NYX: variants seen among roughly 807,000 people sequenced by gnomAD.
The protein encoded by NYX is nyctalopin, also known as leucine-rich repeat protein.
For synonymous variants in NYX, 258 were observed against 245.7 expected, an observed-to-expected ratio of 1.05 and a Z score of -0.47; for missense variants, 481 against 485.4, an observed-to-expected ratio of 0.99 and a Z score of 0.09.
In NYX at chrX:41,473,675, G is replaced by C. The variant is rs12013709; in HGVS notation, c.207G>C (p.Leu69=). The C allele has an allele frequency of 8.9e-7, 1 of 1,123,075 alleles. No individual in the cohort carries two copies. The highest frequency in any genetic ancestry group is 2.4e-4 in the Middle Eastern group (1 of 4,148). The allele number at this position is 1,123,075 out of a possible 1,213,427, so 92.6% of individuals were successfully genotyped here. Reference sequence around the variant, plus strand: ...CCATCGACCTGGACCGGAACGGCCTGCGCTTCCTGGGCGAGCGAGCCTTCG... The same window carrying C: ...CCATCGACCTGGACCGGAACGGCCTCCGCTTCCTGGGCGAGCGAGCCTTCG... The part of the protein sequence containing the change: ...AVSIDLDRNG[L]RFLGERAFGT... Residue 69 remains leucine (L), a synonymous_variant, in exon 3 of 3, where the codon CTG becomes CTC. Transcript: ENST00000378220.
chrX:41,452,283 G>A (rs2064283211), intron 2 of NYX, among the ~76,000 whole-genome samples: 1 of 111,513 alleles, frequency 9.0e-6, no homozygotes, highest in Non-Finnish European at 1.9e-5. Context: ...TTGGGGTGGT[G>A]GTTACACAGG....
rs2064295691 is a variant in NYX, at chrX:41,455,426, T to TA, written c.22+7503dup. Among the ~76,000 whole-genome samples, 3 of 109,859 alleles carry TA rather than the reference T, an allele frequency of 2.7e-5. No homozygotes were observed. In the South Asian group the frequency reaches 1.2e-3, roughly 42 times the overall value. ...CCAGCCTGAGGATTTTTTTTTTTTT[T>TA]AAAGCAGTATGACAGAACAGGGATG... On this transcript the variant is annotated intron_variant, in intron 2 of 2. Transcript: ENST00000378220.
Position 41,466,537 on chromosome X carries a change from G to T in NYX, c.23-6954G>T, listed in dbSNP as rs57075475. Among the ~76,000 whole-genome samples the T allele has an allele frequency of 2.7e-3, 288 of 106,943 alleles. 2 individuals carry two copies. The highest frequency in any genetic ancestry group is 9.5e-3 in the African/African-American group (282 of 29,654). 92.9% of individuals were successfully genotyped at this position (106,943 alleles called of 115,157 possible). On this transcript the variant is annotated intron_variant, in intron 2 of 2. Transcript: ENST00000378220. ...GCATCGACTCTGATTGCCTGTTTTG[G>T]TTGTTCCCTGGTGCTTTAAAACAAT...
intron 2 of NYX, among the ~76,000 whole-genome samples, chrX:41,448,478 G>A (rs940837520): frequency 9.2e-6 from 1 of 108,765 alleles, no homozygotes; most frequent in Non-Finnish European, 1.9e-5. Flanking sequence ...TCCTGACCTC[G>A]TGATCTGCCC....
intron 2 of NYX, among the ~76,000 whole-genome samples, chrX:41,457,179 G>A (rs1285948740): frequency 9.1e-6 from 1 of 110,303 alleles, no homozygotes; most frequent in Non-Finnish European, 1.9e-5. Flanking sequence ...GGTGGCGCAT[G>A]CCTGTAATCC....
At chrX:41,460,908 G>A (rs1411055031) in intron 2 of NYX, among the ~76,000 whole-genome samples, 1 of 36,399 alleles carries the variant, frequency 2.7e-5, no homozygotes, top group Admixed American at 4.3e-4. Context: ...TTTTTTTTTG[G>A]TCTGGCTCCT....
At chrX:41,465,530 T>A (rs1260172846) in intron 2 of NYX, among the ~76,000 whole-genome samples, 2 of 103,290 alleles carry the variant, frequency 1.9e-5, no homozygotes, top group Admixed American at 2.1e-4. Flanking sequence ...GACCTTGAAC[T>A]CTTTTTTTTT....
rs769466093 is a variant in NYX at position 41,457,573 on chromosome X, C to G, written c.22+9647C>G. Among the ~76,000 whole-genome samples, 60 of 96,636 alleles carry G rather than the reference C, an allele frequency of 6.2e-4. 1 individual carries two copies. Among genetic ancestry groups the G allele is most frequent in the African/African-American group, 2.0e-3 (52 of 26,340 alleles). 83.9% of individuals were successfully genotyped at this position (96,636 alleles called of 115,157 possible). A position where few individuals can be genotyped will look rare whatever the true frequency, so the allele number is the denominator to read the frequency against. On this transcript the variant is annotated intron_variant, in intron 2 of 2. Coordinates refer to ENST00000378220, the MANE Select transcript of NYX (RefSeq NM_001378477.3). ...TTCTTCACCTTGCCCTTGGCTCCTG[C>G]TCCCCCATAACTTTGACCTGCACAT...
Position 41,473,448 on chromosome X carries a change from C to T in NYX, c.23-43C>T, listed in dbSNP as rs1448564882. On this transcript the variant is annotated intron_variant, in intron 2 of 2. Transcript: ENST00000378220. ...TGGCTGACGGTTGCTCCTTTTTTCT[C>T]TTTTCTCCTCCTTCCCGACTCCCCA... 7.4e-6 allele frequency: 7 copies of T among 952,054 alleles called. No individual in the cohort carries two copies. The African/African-American group carries it at 1.3e-4, about 17-fold the overall frequency. The allele number at this position is 952,054 out of a possible 1,213,427, so 78.5% of individuals were successfully genotyped here.
At chrX:41,450,258 G>C (rs1027925317) in intron 2 of NYX, among the ~76,000 whole-genome samples, 10 of 111,923 alleles carry the variant, frequency 8.9e-5, no homozygotes, top group African/African-American at 3.3e-4. Flanking sequence ...AGAGAGTCAG[G>C]GGTTGTGTGT....
At chrX:41,470,084 T>C (rs1211235856) in intron 2 of NYX, among the ~76,000 whole-genome samples, 1 of 108,852 alleles carries the variant, frequency 9.2e-6, no homozygotes, top group Admixed American at 1.0e-4. Context: ...TAGTATGCTG[T>C]CCTTTTGGCT....
chrX:41,472,669 C>G (rs1217353436), intron 2 of NYX: 2 of 409,575 alleles, frequency 4.9e-6, no homozygotes, highest in Non-Finnish European at 8.5e-6. Flanking sequence ...TGGCGAGGTC[C>G]GTGGCTACTG....
chrX:41,460,462 C>T (rs1451125877), intron 2 of NYX, among the ~76,000 whole-genome samples: 2 of 112,210 alleles, frequency 1.8e-5, no homozygotes, highest in Non-Finnish European at 3.8e-5. Context: ...TGAGCCACCG[C>T]ACCCAGCCTA....
chrX:41,467,660 TTTA>T lies in NYX; in HGVS notation c.23-5825_23-5823del, dbSNP rs535917902. ...TGAGCCACCGCGCCTGGAGACTTAA[TTTA>T]TTATTTTTTGGGAGGACAAGGTCTT... On this transcript the variant is annotated intron_variant, in intron 2 of 2. Coordinates refer to ENST00000378220, the MANE Select transcript of NYX (RefSeq NM_001378477.3). Among the ~76,000 whole-genome samples, 16 of 110,498 alleles carry T rather than the reference TTTA, an allele frequency of 1.4e-4. No homozygotes were observed. In the South Asian group the frequency reaches 6.2e-3, roughly 42 times the overall value.
chrX:41,468,248 T>G (rs1191239161), intron 2 of NYX, among the ~76,000 whole-genome samples: 1 of 110,879 alleles, frequency 9.0e-6, no homozygotes, highest in Non-Finnish European at 1.9e-5. Context: ...ACAAATTGGT[T>G]GTATCCTGAC....
intron 2 of NYX, chrX:41,472,609 G>C (rs1378039314): frequency 4.1e-6 from 2 of 483,317 alleles, no homozygotes; most frequent in Non-Finnish European, 7.3e-6. Flanking sequence ...CAGGGCCTCG[G>C]GGCAGCCGGA....
chrX:41,474,476 C>T lies in NYX; in HGVS notation c.1008C>T (p.Asp336=). 8.3e-6 allele frequency: 10 copies of T among 1,209,451 alleles called. No individual in the cohort carries two copies. Among genetic ancestry groups the T allele is most frequent in the Non-Finnish European group, 1.0e-5 (9 of 895,422 alleles). ...LFLFRNPWCC[D]CRLEWLRDWM... Reference sequence around the variant, plus strand: ...TCTTCCGCAACCCGTGGTGCTGCGACTGCCGTCTGGAGTGGCTGAGGGACT... The same window carrying T: ...TCTTCCGCAACCCGTGGTGCTGCGATTGCCGTCTGGAGTGGCTGAGGGACT... The change falls in exon 3 of 3, where the codon GAC becomes GAT. Residue 336 remains aspartate (D), a synonymous_variant. Transcript: ENST00000378220.
intron 2 of NYX, among the ~76,000 whole-genome samples, chrX:41,473,132 G>C (rs940102015): frequency 2.3e-4 from 26 of 111,887 alleles, no homozygotes; most frequent in Admixed American, 2.3e-3. Context: ...TTCAGTCAGT[G>C]CCGAAACAGT....
intron 2 of NYX, among the ~76,000 whole-genome samples, chrX:41,469,460 T>C (rs775524965): frequency 4.8e-4 from 53 of 111,148 alleles, no homozygotes; most frequent in African/African-American, 1.6e-3. Context: ...ACATTGTGCA[T>C]CTACCATGCT....
Sources: allele counts gnomAD v4.1 joint callset (sites outside exome capture counted in the v4.1 genomes callset), GRCh38; gene constraint gnomAD v4.1.1; transcripts MANE v1.5; gene names NCBI Gene and HGNC (gene_info 2026-07-23, HGNC 2026-07-21).